Variants in MOXD1 observed in about 807,000 individuals in gnomAD.
The protein encoded by MOXD1 is monooxygenase DBH like 1.
Under a neutral mutation model 66.6 loss-of-function variants are expected in MOXD1, and 62 were observed. That is an observed-to-expected ratio of 0.93 (90% CI 0.76 to 1.15). The LOEUF (loss-of-function observed/expected upper bound fraction) is 1.15. MOXD1 is among the 50% of genes most tolerant of loss of function. MOXD1 has a pLI of 0.00. For synonymous variants in MOXD1, 303 were observed against 281.9 expected, an observed-to-expected ratio of 1.07 and a Z score of -0.75; for missense variants, 847 against 754.6, an observed-to-expected ratio of 1.12 and a Z score of -1.44.
intron 10 of MOXD1, among the ~76,000 whole-genome samples, chr6:132,303,864 T>A (rs1442297815): frequency 1.0e-4 from 6 of 57,476 alleles, no homozygotes; most frequent in Admixed American, 8.5e-4. Flanking sequence ...TATATATATA[T>A]ATATATATAT....
At chr6:132,346,027 G>T (rs1775662477) in intron 4 of MOXD1, among the ~76,000 whole-genome samples, 3 of 150,424 alleles carry the variant, frequency 2.0e-5, no homozygotes, top group South Asian at 2.1e-4. Flanking sequence ...ATAGTTGTGG[G>T]TCTGTTTTTT....
At chr6:132,399,520 T>C (rs1776973066) in intron 1 of MOXD1, among the ~76,000 whole-genome samples, 1 of 152,230 alleles carries the variant, frequency 6.6e-6, no homozygotes, top group African/African-American at 2.4e-5. Context: ...AACACTGTAG[T>C]TTAACCAAGT....
At position 132,317,525 on chromosome 6, in the gene MOXD1, T is replaced by C. The variant is rs988043312; in HGVS notation, c.1366-1748A>G. Among the ~76,000 whole-genome samples the C allele has an allele frequency of 7.9e-5, 12 of 152,062 alleles. No individual in the cohort carries two copies. The South Asian group carries it at 2.5e-3, about 32-fold the overall frequency. On this transcript the variant is annotated intron_variant, in intron 9 of 11. Coordinates refer to ENST00000367963, the MANE Select transcript of MOXD1 (RefSeq NM_015529.4). ...CTGTAGGGAGTAAAATTTTAAGAAG[T>C]TATTTTCTAATACCAAGGGGAATGT...
Position 132,323,926 on chromosome 6 carries a change from C to A in MOXD1, c.1113+5G>T. 1 of 1,599,432 alleles carries A rather than the reference C, an allele frequency of 6.3e-7. No individual in the cohort carries two copies. The highest frequency in any genetic ancestry group is 8.5e-7 in the Non-Finnish European group (1 of 1,175,100). On this transcript the variant is annotated splice_donor_5th_base_variant and intron_variant, in intron 7 of 11. Transcript: ENST00000367963. Reference sequence around the variant, plus strand: ...GAGAGCAGCTCAGACTCAGATGCTGCATACCTCTTCCAGGCACTCCAAAGT... The same window carrying A: ...GAGAGCAGCTCAGACTCAGATGCTGAATACCTCTTCCAGGCACTCCAAAGT...
At position 132,372,588 on chromosome 6, in the gene MOXD1, C is replaced by T. The variant is rs1282256058; in HGVS notation, c.663+20G>A. 16 of 1,571,646 alleles carry T rather than the reference C, an allele frequency of 1.0e-5. No individual in the cohort carries two copies. Among genetic ancestry groups the T allele is most frequent in the Non-Finnish European group, 1.4e-5 (16 of 1,142,410 alleles). On this transcript the variant is annotated intron_variant, in intron 4 of 11. Coordinates refer to ENST00000367963, the MANE Select transcript of MOXD1 (RefSeq NM_015529.4). ...TTCCACTCATGAAAATTAATTTTAG[C>T]CTATGAATGAGTCACATACCTTTAT... is the stretch of plus-strand genomic sequence containing the variant.
At position 132,372,672 on chromosome 6, in the gene MOXD1, T is replaced by C. The variant is rs187771532; in HGVS notation, c.599A>G (p.Asp200Gly). 6.2e-7 allele frequency: 1 copy of C among 1,613,992 alleles called. No homozygotes were observed. The highest frequency in any genetic ancestry group is 8.5e-7 in the Non-Finnish European group (1 of 1,179,866). The change falls in exon 4 of 12, where the codon GAT (aspartate) becomes GGT (glycine). Residue 200 changes from aspartate to glycine, a missense_variant. By Grantham distance (94) the Asp-to-Gly change is moderately conservative. Transcript: ENST00000367963. ...AAACATTTGGCACCAATATGTTGTA[T>C]CTTTGTTTGGGATGGGGACCTGTCT... is the stretch of plus-strand genomic sequence containing the variant. ...VNQDVPIPNK[D>G]TTYWCQMFKI...
intron 4 of MOXD1, among the ~76,000 whole-genome samples, chr6:132,349,147 C>G (rs1775731220): frequency 1.3e-5 from 2 of 150,504 alleles, no homozygotes; most frequent in South Asian, 4.2e-4. Context: ...CCCTTTCCCC[C>G]AAGTCCCCAA....
At chr6:132,322,647 C>T in intron 8 of MOXD1, 32 bp downstream of exon 8, 1 of 1,578,152 alleles carries the variant, frequency 6.3e-7, no homozygotes, top group Non-Finnish European at 8.6e-7. Flanking sequence ...ACTTTCATAA[C>T]AGTCAATGAA....
At chr6:132,329,472 A>G (rs1453751225) in intron 4 of MOXD1, among the ~76,000 whole-genome samples, 1 of 151,948 alleles carries the variant, frequency 6.6e-6, no homozygotes, top group South Asian at 2.1e-4. Context: ...TTTCACATAG[A>G]AAAAAAGAAG....
At chr6:132,355,654 C>A (rs1172102779) in intron 4 of MOXD1, among the ~76,000 whole-genome samples, 1 of 152,172 alleles carries the variant, frequency 6.6e-6, no homozygotes, top group African/African-American at 2.4e-5. Flanking sequence ...TTACAACCAG[C>A]TGACTCCCAA....
rs547718569 is a variant in MOXD1 at position 132,323,100 on chromosome 6, A to G, written c.1114-230T>C. Reference sequence around the variant, plus strand: ...ATGCTTATAAGGGGCCTCCCAGACCATTTCTACATGTTATCCTCCTTTTTC... The same window carrying G: ...ATGCTTATAAGGGGCCTCCCAGACCGTTTCTACATGTTATCCTCCTTTTTC... On this transcript the variant is annotated intron_variant, in intron 7 of 11. Coordinates refer to ENST00000367963, the MANE Select transcript of MOXD1 (RefSeq NM_015529.4). Among the ~76,000 whole-genome samples, 3 of 152,338 alleles carry G rather than the reference A, an allele frequency of 2.0e-5. No individual in the cohort carries two copies. The South Asian group carries it at 6.2e-4, about 32-fold the overall frequency.
At chr6:132,392,051 T>G in intron 1 of MOXD1, 1 of 822,844 alleles carries the variant, frequency 1.2e-6, no homozygotes, top group Non-Finnish European at 1.8e-6. Context: ...AGCTGAGCTG[T>G]GTCAGGGTTG....
chr6:132,361,732 G>C (rs1776021973), intron 4 of MOXD1, among the ~76,000 whole-genome samples: 1 of 151,998 alleles, frequency 6.6e-6, no homozygotes, highest in Admixed American at 6.6e-5. Flanking sequence ...TATGAATCAA[G>C]AAAAATACAA....
intron 1 of MOXD1, among the ~76,000 whole-genome samples, chr6:132,396,701 A>T (rs988284108): frequency 6.6e-6 from 1 of 152,220 alleles, no homozygotes; most frequent in Non-Finnish European, 1.5e-5. Context: ...AGTATAACTG[A>T]TATCAAAGAA....
At chr6:132,379,366 A>G (rs1776465452) in intron 1 of MOXD1, among the ~76,000 whole-genome samples, 2 of 152,200 alleles carry the variant, frequency 1.3e-5, no homozygotes, top group Non-Finnish European at 2.9e-5. Context: ...TCAACCCTTT[A>G]AAGGGCACCT....
Position 132,372,830 on chromosome 6 carries a change from G to C in MOXD1, c.579C>G (p.Asp193Glu), listed in dbSNP as rs373772503. The C allele has an allele frequency of 1.2e-6, 2 of 1,613,338 alleles. No individual in the cohort carries two copies. Among genetic ancestry groups the C allele is most frequent in the African/African-American group, 2.7e-5 (2 of 74,856 alleles). Reference protein sequence around the residue: ...ALPYFDLVNQDVPIPNKDTTY... With the variant: ...ALPYFDLVNQEVPIPNKDTTY... ...AATCATAAAACCTGAAAACACTTACGTCCTGATTTACCAGATCAAAGTATG... is the reference window on the plus strand; with the variant it reads ...AATCATAAAACCTGAAAACACTTACCTCCTGATTTACCAGATCAAAGTATG... The change falls in exon 3 of 12, where the codon GAC becomes GAG. Residue 193 changes from aspartate to glutamate, a missense_variant and splice_region_variant. Coordinates refer to ENST00000367963, the MANE Select transcript of MOXD1 (RefSeq NM_015529.4).
intron 1 of MOXD1, among the ~76,000 whole-genome samples, chr6:132,399,692 A>G (rs1401127670): frequency 1.3e-5 from 2 of 152,260 alleles, no homozygotes; most frequent in African/African-American, 2.4e-5. Flanking sequence ...ATATTAGCAT[A>G]GTAAGAGTTA....
intron 4 of MOXD1, among the ~76,000 whole-genome samples, chr6:132,369,347 T>C (rs780240554): frequency 5.3e-5 from 8 of 152,156 alleles, no homozygotes; most frequent in African/African-American, 7.2e-5. Flanking sequence ...TAAGCACTTA[T>C]CATGCACTGT....
At chr6:132,369,867 C>T (rs1256064007) in intron 4 of MOXD1, among the ~76,000 whole-genome samples, 1 of 152,040 alleles carries the variant, frequency 6.6e-6, no homozygotes, top group Non-Finnish European at 1.5e-5. Context: ...ATTTTCAGAT[C>T]ACAGTTGACC....
Sources: allele counts gnomAD v4.1 joint callset (sites outside exome capture counted in the v4.1 genomes callset), GRCh38; gene constraint gnomAD v4.1.1; transcripts MANE v1.5; gene names NCBI Gene and HGNC (gene_info 2026-07-23, HGNC 2026-07-21).